Variants in KMT2E observed in about 807,000 individuals in gnomAD.
The protein encoded by KMT2E is histone reader KMT2E.
KMT2E carries 30 observed loss-of-function variants against 184.6 expected under a neutral mutation model. The ratio of observed to expected loss-of-function variants is 0.16; its 90% CI spans 0.12 to 0.22. The LOEUF (loss-of-function observed/expected upper bound fraction) is 0.22, where lower values mean the gene tolerates loss of function less well. Ranked by LOEUF, KMT2E falls within the 10% of genes least tolerant of loss-of-function variation. The probability of loss-of-function intolerance (pLI) is 1.00; values close to 1 mark genes in which losing one functional copy is unlikely to be tolerated. For missense variants in KMT2E, 2,023 were observed against 2,237.4 expected, an observed-to-expected ratio of 0.90 and a Z score of 1.93; for synonymous variants, 815 against 776.5, an observed-to-expected ratio of 1.05 and a Z score of -0.82.
intron 11 of KMT2E, chr7:105,077,684 C>G: frequency 2.7e-6 from 1 of 364,110 alleles, no homozygotes; most frequent in Non-Finnish European, 5.0e-6. Context: ...CTAAAACAAT[C>G]TACTTCAAAG....
chr7:105,092,652 T>A (rs1798250589), intron 15 of KMT2E, among the ~76,000 whole-genome samples: 1 of 152,220 alleles, frequency 6.6e-6, no homozygotes, highest in Admixed American at 6.5e-5. Context: ...ATCTTGAACC[T>A]TTTTTGAGAT....
At chr7:105,100,069 G>A (rs1183496795) in intron 15 of KMT2E, among the ~76,000 whole-genome samples, 1 of 152,160 alleles carries the variant, frequency 6.6e-6, no homozygotes, top group African/African-American at 2.4e-5. Context: ...ATGTGCTATT[G>A]TAGTGTTTGC....
chr7:105,113,759 GA>G lies in KMT2E; in HGVS notation c.*427del, dbSNP rs1182111368. 1 of 157,634 alleles carries G rather than the reference GA, an allele frequency of 6.3e-6. No homozygotes were observed. Among genetic ancestry groups the G allele is most frequent in the Non-Finnish European group, 1.4e-5 (1 of 70,388 alleles). The allele number at this position is 157,634 out of a possible 1,614,324, so 9.8% of individuals were successfully genotyped here. A position where few individuals can be genotyped will look rare whatever the true frequency, so the allele number is the denominator to read the frequency against. On this transcript the variant is annotated 3_prime_UTR_variant, in exon 27 of 27. Coordinates refer to ENST00000311117, the MANE Select transcript of KMT2E (RefSeq NM_182931.3). ...ATCTTAGGTATAAAAATGCAATACAGATTTTTATATTTTGGTGTGGACATGG... is the reference window on the plus strand; with the variant it reads ...ATCTTAGGTATAAAAATGCAATACAGTTTTTATATTTTGGTGTGGACATGG...
chr7:105,069,363 T>C (rs192898998), intron 6 of KMT2E, among the ~76,000 whole-genome samples: 12 of 152,360 alleles, frequency 7.9e-5, no homozygotes, highest in African/African-American at 2.9e-4. Context: ...GTAATTAGAA[T>C]ATCTCACAAT....
At position 105,080,823 on chromosome 7, in the gene KMT2E, C is replaced by A. The variant is rs528340225; in HGVS notation, c.1249-865C>A. Among the ~76,000 whole-genome samples, 13 of 151,876 alleles carry A rather than the reference C, an allele frequency of 8.6e-5. No individual in the cohort carries two copies. The South Asian group carries it at 1.9e-3, about 22-fold the overall frequency. ...GTCAGGAGTTCAAGACCAGCCTGAC[C>A]AACATGGTGAAACCCCATCCCTACT... On this transcript the variant is annotated intron_variant, in intron 12 of 26. Coordinates refer to ENST00000311117, the MANE Select transcript of KMT2E (RefSeq NM_182931.3).
In KMT2E at chr7:105,112,005, C is replaced by A. The variant is rs1455178554; in HGVS notation, c.4249C>A (p.Pro1417Thr). The change falls in exon 27 of 27, where the codon CCT becomes ACT. Residue 1417 changes from proline to threonine, a missense_variant. Pro to Thr is a conservative substitution (Grantham distance 38). This residue lies in a region of KMT2E where 1,108 missense variants were observed against 1,050.9 expected (regional missense o/e 1.05). Transcript: ENST00000311117. ...CCAAGCACTTTCAAAGAATCATCCT[C>A]CTCAGACACACGTTCGTAATTCATC... ...NNQALSKNHP[P>T]QTHVRNSSEQ... 6.2e-7 allele frequency: 1 copy of A among 1,614,194 alleles called. No homozygotes were observed. The highest frequency in any genetic ancestry group is 2.2e-5 in the East Asian group (1 of 44,890).
intron 5 of KMT2E, among the ~76,000 whole-genome samples, chr7:105,065,523 G>A (rs771942981): frequency 2.6e-5 from 4 of 152,116 alleles, no homozygotes. Flanking sequence ...CCCAGTAGAT[G>A]CCTGAAACTG....
intron 12 of KMT2E, among the ~76,000 whole-genome samples, chr7:105,079,929 G>T (rs1339757701): frequency 6.6e-6 from 1 of 151,806 alleles, no homozygotes; most frequent in Non-Finnish European, 1.5e-5. Context: ...AACTTCCTGG[G>T]CCTTTAGGAG....
At position 105,093,447 on chromosome 7, in the gene KMT2E, C is replaced by T. The variant is rs187525460; in HGVS notation, c.1722+2133C>T. Among the ~76,000 whole-genome samples the T allele has an allele frequency of 9.4e-4, 143 of 152,166 alleles. 1 individual carries two copies. Among genetic ancestry groups the T allele is most frequent in the African/African-American group, 3.0e-3 (124 of 41,540 alleles). Reference sequence around the variant, plus strand: ...CTGTAATCCCAGCACTTTGGGAGGCCGAGACGGGTGGATCATCTGAGGTCA... The same window carrying T: ...CTGTAATCCCAGCACTTTGGGAGGCTGAGACGGGTGGATCATCTGAGGTCA... On this transcript the variant is annotated intron_variant, in intron 15 of 26. Transcript: ENST00000311117.
chr7:105,070,064 C>G (rs1797218937), intron 6 of KMT2E, among the ~76,000 whole-genome samples: 1 of 151,908 alleles, frequency 6.6e-6, no homozygotes, highest in Non-Finnish European at 1.5e-5. Context: ...ACCATAGTTT[C>G]TTTAACCTAT....
chr7:105,047,414 G>A (rs927569865), intron 3 of KMT2E, among the ~76,000 whole-genome samples: 2 of 152,184 alleles, frequency 1.3e-5, no homozygotes, highest in African/African-American at 4.8e-5. Flanking sequence ...CTACCCTCTG[G>A]TAACTCTTGT....
intron 1 of KMT2E, among the ~76,000 whole-genome samples, chr7:105,034,275 GC>G (rs1197426815): frequency 3.9e-5 from 6 of 152,120 alleles, no homozygotes; most frequent in African/African-American, 1.4e-4. Context: ...TCCCTTTGTT[GC>G]CCAGGTTGGA....
At chr7:105,043,766 C>T (rs1388195975) in intron 3 of KMT2E, among the ~76,000 whole-genome samples, 1 of 152,024 alleles carries the variant, frequency 6.6e-6, no homozygotes, top group African/African-American at 2.4e-5. Context: ...TTGGAAATAG[C>T]GTTTTTTCAT....
intron 3 of KMT2E, among the ~76,000 whole-genome samples, chr7:105,057,661 C>A (rs1456505101): frequency 6.6e-6 from 1 of 151,990 alleles, no homozygotes; most frequent in Non-Finnish European, 1.5e-5. Flanking sequence ...CTGTGTTGCC[C>A]CGACTGGTCA....
intron 13 of KMT2E, 42 bp from the exon 14 acceptor site, chr7:105,089,967 T>C: frequency 6.3e-7 from 1 of 1,586,340 alleles, no homozygotes; most frequent in Non-Finnish European, 8.5e-7. Context: ...TCCAGTTTTG[T>C]TTTATATTTT....
chr7:105,067,560 A>G (rs550833699), intron 6 of KMT2E, among the ~76,000 whole-genome samples: 1 of 152,212 alleles, frequency 6.6e-6, no homozygotes, highest in South Asian at 2.1e-4. Flanking sequence ...CTCCCTTTAC[A>G]TGTTGTTTTA....
intron 15 of KMT2E, among the ~76,000 whole-genome samples, chr7:105,096,432 C>A (rs1798414663): frequency 6.6e-6 from 1 of 151,982 alleles, no homozygotes; most frequent in Non-Finnish European, 1.5e-5. Context: ...ATTGAGTCCA[C>A]AGAAGATGAT....
chr7:105,055,711 C>T (rs533622084), intron 3 of KMT2E, among the ~76,000 whole-genome samples: 29 of 152,166 alleles, frequency 1.9e-4, no homozygotes, highest in Non-Finnish European at 4.0e-4. Flanking sequence ...TTATCTCTGA[C>T]TGCATGTGTG....
At chr7:105,034,090 C>T (rs1457933482) in intron 1 of KMT2E, among the ~76,000 whole-genome samples, 1 of 152,176 alleles carries the variant, frequency 6.6e-6, no homozygotes, top group African/African-American at 2.4e-5. Context: ...TTAAAGGCTC[C>T]ACATCGTAAC....
Sources: gnomAD v4.1 joint callset for allele counts (sites outside exome capture counted in the v4.1 genomes callset) on GRCh38, gnomAD v4.1.1 for gene constraint, gnomAD v4.1.1 regional missense constraint, MANE v1.5 for transcripts, NCBI Gene and HGNC (gene_info 2026-07-23, HGNC 2026-07-21) for gene names.